Variants in CHRM2 observed in about 807,000 individuals in gnomAD.
The protein encoded by CHRM2 is muscarinic acetylcholine receptor M2.
CHRM2 carries 8 observed loss-of-function variants against 25.0 expected under a neutral mutation model. That is an observed-to-expected ratio of 0.32 (90% CI 0.19 to 0.58). CHRM2 has a LOEUF of 0.58. Ranked by LOEUF, CHRM2 falls within the 20% of genes least tolerant of loss-of-function variation. The pLI, the probability that CHRM2 is intolerant of heterozygous loss-of-function variation, is 0.88. For missense variants in CHRM2, 440 were observed against 567.1 expected (o/e 0.78, Z 2.28); for synonymous variants, 202 against 205.7 (o/e 0.98, Z 0.15).
chr7:136,991,633 G>T (rs1257698476), intron 2 of CHRM2, among the ~76,000 whole-genome samples: 1 of 152,064 alleles, frequency 6.6e-6, no homozygotes, highest in East Asian at 1.9e-4. Flanking sequence ...ACCATCTGGA[G>T]GTGAGGAGGG....
chr7:136,923,251 T>C (rs1011990426), intron 2 of CHRM2, among the ~76,000 whole-genome samples: 7 of 143,830 alleles, frequency 4.9e-5, no homozygotes, highest in African/African-American at 8.0e-5. Context: ...ATACAACTGA[T>C]ACTTATTAGC....
Position 136,961,642 on chromosome 7 carries a change from T to C in CHRM2, c.-124-30545T>C, listed in dbSNP as rs1801088772. On this transcript the variant is annotated intron_variant, in intron 2 of 3. Coordinates refer to ENST00000680005, the MANE Select transcript of CHRM2 (RefSeq NM_001006630.2). ...AAATTAGGACAATTGTTGGTGTAGATATTTATTTATATATGAGTTATATAG... is the reference window on the plus strand; with the variant it reads ...AAATTAGGACAATTGTTGGTGTAGACATTTATTTATATATGAGTTATATAG... 2.0e-5 allele frequency among the ~76,000 whole-genome samples: 3 copies of C among 152,184 alleles called. No homozygotes were observed. In the South Asian group the frequency reaches 6.2e-4, roughly 32 times the overall value.
intron 2 of CHRM2, among the ~76,000 whole-genome samples, chr7:136,956,392 G>A (rs1350522611): frequency 6.6e-6 from 1 of 152,046 alleles, no homozygotes; most frequent in Non-Finnish European, 1.5e-5. Context: ...ACTGTTTAAG[G>A]GGAAATGTCA....
At chr7:136,999,107 G>T (rs1803805888) in intron 3 of CHRM2, among the ~76,000 whole-genome samples, 1 of 152,044 alleles carries the variant, frequency 6.6e-6, no homozygotes, top group African/African-American at 2.4e-5. Flanking sequence ...GCTAATTCAT[G>T]TACTTCTTTC....
chr7:136,992,417 G>C (rs117893495), intron 3 of CHRM2, among the ~76,000 whole-genome samples, 153 bp downstream of exon 3: 1 of 152,144 alleles, frequency 6.6e-6, no homozygotes, highest in East Asian at 1.9e-4. Context: ...AATCTGGGTT[G>C]TCGTGTTAGG....
chr7:136,934,888 CATT>C (rs1380027011), intron 2 of CHRM2, among the ~76,000 whole-genome samples: 3 of 151,360 alleles, frequency 2.0e-5, no homozygotes, highest in Admixed American at 2.0e-4. Flanking sequence ...GCAAAGAGGA[CATT>C]ATTTGTTATC....
intron 2 of CHRM2, among the ~76,000 whole-genome samples, chr7:136,954,864 C>G (rs1800628211): frequency 6.6e-6 from 1 of 152,090 alleles, no homozygotes; most frequent in Non-Finnish European, 1.5e-5. Flanking sequence ...ACCTCACTAC[C>G]CCTTCTGGGA....
At position 137,016,066 on chromosome 7, in the gene CHRM2, G is replaced by T; in HGVS notation, c.1201G>T (p.Ala401Ser). The T allele has an allele frequency of 6.2e-7, 1 of 1,612,566 alleles. No homozygotes were observed. The highest frequency in any genetic ancestry group is 1.3e-5 in the African/African-American group (1 of 74,822). The change falls in exon 4 of 4, where the codon GCC becomes TCC. Residue 401 changes from alanine (A) to serine (S), a missense_variant. Coordinates refer to ENST00000680005, the MANE Select transcript of CHRM2 (RefSeq NM_001006630.2). ...TCTGTTGGCTTTCATCATCACTTGG[G>T]CCCCATACAATGTCATGGTGCTCAT... Reference protein sequence around the residue: ...AILLAFIITWAPYNVMVLINT... With the variant: ...AILLAFIITWSPYNVMVLINT...
At chr7:136,981,638 G>A (rs1362841411) in intron 2 of CHRM2, among the ~76,000 whole-genome samples, 2 of 151,946 alleles carry the variant, frequency 1.3e-5, no homozygotes, top group Non-Finnish European at 2.9e-5. Context: ...CAGAGATCTG[G>A]TATGTTGTGT....
chr7:136,874,575 T>C (rs947990306), intron 2 of CHRM2, among the ~76,000 whole-genome samples: 12 of 65,644 alleles, frequency 1.8e-4, no homozygotes, highest in South Asian at 1.8e-3. Flanking sequence ...CTGCCCCCCC[T>C]CTCTCCCCTC....
At chr7:136,905,087 A>T (rs1487979685) in intron 2 of CHRM2, among the ~76,000 whole-genome samples, 1 of 151,982 alleles carries the variant, frequency 6.6e-6, no homozygotes, top group Non-Finnish European at 1.5e-5. Flanking sequence ...TTTGTATAAT[A>T]ATTTTAATTT....
intron 2 of CHRM2, among the ~76,000 whole-genome samples, chr7:136,959,030 A>G (rs1198018033): frequency 6.6e-6 from 1 of 152,072 alleles, no homozygotes; most frequent in African/African-American, 2.4e-5. Context: ...CTGAGAGGCT[A>G]TTTTTATGTT....
intron 3 of CHRM2, among the ~76,000 whole-genome samples, chr7:137,002,888 A>G (rs1242967496): frequency 2.6e-5 from 4 of 152,230 alleles, no homozygotes; most frequent in South Asian, 4.1e-4. Context: ...CTTAACAGTC[A>G]CTATTATCAT....
In CHRM2 at chr7:136,942,981, C is replaced by T. The variant is rs548950112; in HGVS notation, c.-124-49206C>T. Among the ~76,000 whole-genome samples, 6 of 152,186 alleles carry T rather than the reference C, an allele frequency of 3.9e-5. No homozygotes were observed. In the East Asian group the frequency reaches 7.8e-4, roughly 20 times the overall value. On this transcript the variant is annotated intron_variant, in intron 2 of 3. Coordinates refer to ENST00000680005, the MANE Select transcript of CHRM2 (RefSeq NM_001006630.2). ...ACTCACATTTCCATTTTAATCATAG[C>T]TTCCAAGGGTTGGAAGGGAAATTAG...
chr7:136,995,521 C>T (rs115483492), intron 3 of CHRM2, among the ~76,000 whole-genome samples: 2,317 of 152,150 alleles, frequency 0.015, 60 homozygotes, highest in African/African-American at 0.053. Flanking sequence ...CCAGTACTTT[C>T]GGAGGCCAAA....
intron 3 of CHRM2, among the ~76,000 whole-genome samples, chr7:136,994,187 T>C (rs551898081): frequency 1.2e-3 from 184 of 152,282 alleles, no homozygotes; most frequent in African/African-American, 3.8e-3. Context: ...AATGAAGGGA[T>C]ATTTTAAAGC....
chr7:136,954,998 T>TTAATACCCCTAC (rs536100449), intron 2 of CHRM2, among the ~76,000 whole-genome samples: 155 of 152,292 alleles, frequency 1.0e-3, no homozygotes, highest in African/African-American at 3.7e-3. Context: ...CCTAATGGTA[T>TTAATACCCCTAC]TAATACCCCT....
intron 2 of CHRM2, among the ~76,000 whole-genome samples, chr7:136,880,046 CTT>C (rs11373690): frequency 4.8e-4 from 69 of 144,802 alleles, no homozygotes; most frequent in African/African-American, 1.6e-3. Context: ...CCTCTTGGAT[CTT>C]TTTTTTTTTT....
At chr7:137,003,499 C>T (rs1183014403) in intron 3 of CHRM2, among the ~76,000 whole-genome samples, 30 of 140,782 alleles carry the variant, frequency 2.1e-4, no homozygotes, top group African/African-American at 7.6e-4. Context: ...CACACACACA[C>T]ACACACACAC....
Sources: allele counts gnomAD v4.1 joint callset (sites outside exome capture counted in the v4.1 genomes callset), GRCh38; gene constraint gnomAD v4.1.1; transcripts MANE v1.5; gene names NCBI Gene and HGNC (gene_info 2026-07-23, HGNC 2026-07-21).